GALNTL6: variants seen among roughly 807,000 people sequenced by gnomAD.
The protein encoded by GALNTL6 is polypeptide N-acetylgalactosaminyltransferase-like 6.
In GALNTL6, 46 loss-of-function variants were observed where a neutral mutation model predicts 73.7. The observed-to-expected ratio is 0.62, with a 90% CI of 0.49 to 0.80. The LOEUF is 0.80. GALNTL6 is among the 30% of genes least tolerant of loss of function. The pLI is 0.00. For synonymous variants in GALNTL6, 259 were observed against 263.7 expected, an observed-to-expected ratio of 0.98 and a Z score of 0.17; for missense variants, 604 against 755.0, an observed-to-expected ratio of 0.80 and a Z score of 2.34.
chr4:172,004,742 A>T (rs1422342762), intron 2 of GALNTL6, among the ~76,000 whole-genome samples: 5 of 105,590 alleles, frequency 4.7e-5, no homozygotes. Context: ...ATTTGCAGAG[A>T]TATGAAAAGA....
intron 3 of GALNTL6, among the ~76,000 whole-genome samples, chr4:172,271,662 T>C (rs912339636): frequency 5.3e-5 from 8 of 152,072 alleles, no homozygotes; most frequent in African/African-American, 1.9e-4. Context: ...TATTGAAGTA[T>C]GTATGCATTA....
intron 2 of GALNTL6, among the ~76,000 whole-genome samples, chr4:171,947,298 C>T (rs1049578146): frequency 2.0e-5 from 3 of 152,064 alleles, no homozygotes; most frequent in African/African-American, 7.2e-5. Context: ...ATACCACCTA[C>T]TTGCACCTGG....
intron 5 of GALNTL6, among the ~76,000 whole-genome samples, chr4:172,521,714 A>C (rs938430044): frequency 6.6e-6 from 1 of 152,236 alleles, no homozygotes; most frequent in African/African-American, 2.4e-5. Flanking sequence ...AGAGACTTTT[A>C]TCTCTTCAGA....
chr4:171,910,146 C>T (rs575133899), intron 2 of GALNTL6, among the ~76,000 whole-genome samples: 1 of 152,056 alleles, frequency 6.6e-6, no homozygotes, highest in African/African-American at 2.4e-5. Flanking sequence ...TACTGCTTTG[C>T]TCCAACCAAA....
At chr4:172,765,072 G>A (rs1011754149) in intron 5 of GALNTL6, among the ~76,000 whole-genome samples, 1 of 152,180 alleles carries the variant, frequency 6.6e-6, no homozygotes, top group Non-Finnish European at 1.5e-5. Flanking sequence ...GTTCCCTTGA[G>A]TACTGATTTG....
intron 2 of GALNTL6, among the ~76,000 whole-genome samples, chr4:172,118,969 C>A (rs1013222462): frequency 6.6e-6 from 1 of 151,208 alleles, no homozygotes; most frequent in East Asian, 1.9e-4. Flanking sequence ...ATAGATAAAG[C>A]CTTTTTTTTT....
intron 2 of GALNTL6, among the ~76,000 whole-genome samples, chr4:171,898,329 A>G (rs1736986625): frequency 6.6e-6 from 1 of 152,188 alleles, no homozygotes; most frequent in Non-Finnish European, 1.5e-5. Context: ...TACACTTAGC[A>G]TGCGATTCAA....
At chr4:172,040,845 A>G (rs914870269) in intron 2 of GALNTL6, among the ~76,000 whole-genome samples, 3 of 152,094 alleles carry the variant, frequency 2.0e-5, no homozygotes, top group African/African-American at 7.2e-5. Context: ...TAATTAAACT[A>G]TTAATGTCAT....
chr4:171,999,531 A>G, intron 2 of GALNTL6, among the ~76,000 whole-genome samples: 1 of 152,152 alleles, frequency 6.6e-6, no homozygotes, highest in Admixed American at 6.6e-5. Flanking sequence ...TCCAGGACAT[A>G]GAATGTTTGT....
At chr4:172,752,975 A>T (rs1445792340) in intron 5 of GALNTL6, among the ~76,000 whole-genome samples, 3 of 152,180 alleles carry the variant, frequency 2.0e-5, no homozygotes, top group Non-Finnish European at 4.4e-5. Flanking sequence ...AATATTTTCA[A>T]TATAATCAAA....
chr4:172,082,628 GA>G (rs960141705), intron 2 of GALNTL6, among the ~76,000 whole-genome samples: 1 of 152,116 alleles, frequency 6.6e-6, no homozygotes, highest in Non-Finnish European at 1.5e-5. Context: ...AGAAGACAAT[GA>G]AAAAATGGTA....
intron 2 of GALNTL6, among the ~76,000 whole-genome samples, chr4:172,071,164 G>T (rs1303434211): frequency 9.1e-6 from 1 of 109,378 alleles, no homozygotes; most frequent in Non-Finnish European, 2.0e-5. Context: ...ATGAGACATA[G>T]TTAGACTCAA....
intron 7 of GALNTL6, among the ~76,000 whole-genome samples, chr4:172,868,151 G>T (rs1312724703): frequency 6.6e-6 from 1 of 152,150 alleles, no homozygotes; most frequent in Non-Finnish European, 1.5e-5. Context: ...GAAACCAGGG[G>T]TGACCTGGTG....
intron 2 of GALNTL6, among the ~76,000 whole-genome samples, chr4:172,147,233 T>G (rs1733950686): frequency 6.6e-6 from 1 of 152,244 alleles, no homozygotes; most frequent in South Asian, 2.1e-4. Context: ...TGTATTTGCT[T>G]CATTATGCAA....
At chr4:172,087,498 T>C (rs1732083870) in intron 2 of GALNTL6, among the ~76,000 whole-genome samples, 1 of 151,160 alleles carries the variant, frequency 6.6e-6, no homozygotes, top group African/African-American at 2.4e-5. Context: ...ACTAAGCCTA[T>C]TTTGAAACAA....
At chr4:173,036,024 C>A (rs1043601734) in intron 12 of GALNTL6, among the ~76,000 whole-genome samples, 1 of 152,078 alleles carries the variant, frequency 6.6e-6, no homozygotes, top group Non-Finnish European at 1.5e-5. Flanking sequence ...TCTTTTTATC[C>A]TCAAAATAAA....
intron 5 of GALNTL6, among the ~76,000 whole-genome samples, chr4:172,735,901 C>T (rs1286802259): frequency 6.6e-6 from 1 of 152,114 alleles, no homozygotes; most frequent in Admixed American, 6.5e-5. Flanking sequence ...CACATGTCGG[C>T]AGGTTCCGTG....
chr4:172,631,201 G>T (rs953882762), intron 5 of GALNTL6, among the ~76,000 whole-genome samples: 3 of 151,710 alleles, frequency 2.0e-5, no homozygotes, highest in Non-Finnish European at 4.4e-5. Flanking sequence ...GAGTGCAGTG[G>T]CATGATCTCG....
intron 5 of GALNTL6, among the ~76,000 whole-genome samples, chr4:172,492,449 A>G (rs1448245494): frequency 6.6e-6 from 1 of 152,172 alleles, no homozygotes; most frequent in Non-Finnish European, 1.5e-5. Context: ...TGACATGTAC[A>G]ATAGTATTCA....
Sources: gnomAD v4.1 joint callset for allele counts (sites outside exome capture counted in the v4.1 genomes callset) on GRCh38, gnomAD v4.1.1 for gene constraint, MANE v1.5 for transcripts, NCBI Gene and HGNC (gene_info 2026-07-23, HGNC 2026-07-21) for gene names.